The following ZFHX3 variants were observed in gnomAD, a reference collection of about 807,000 sequenced individuals.
ZFHX3 encodes zinc finger homeobox 3, also known as zinc finger homeobox protein 3.
ZFHX3 carries 42 observed loss-of-function variants against 279.1 expected under a neutral mutation model. The observed-to-expected ratio is 0.15, with a 90% CI of 0.12 to 0.19. The LOEUF (loss-of-function observed/expected upper bound fraction) is 0.19. Among genes scored for constraint, ZFHX3 ranks in the 10% least tolerant of loss-of-function variants. The pLI, the probability that ZFHX3 is intolerant of heterozygous loss-of-function variation, is 1.00. For synonymous variants in ZFHX3, 2,293 were observed against 1,957.8 expected, an observed-to-expected ratio of 1.17 and a Z score of -4.52; for missense variants, 4,981 against 4,754.0, an observed-to-expected ratio of 1.05 and a Z score of -1.40.
At chr16:73,213,339 C>G (rs1453276381) in intron 5 of ZFHX3, among the ~76,000 whole-genome samples, 1 of 152,206 alleles carries the variant, frequency 6.6e-6, no homozygotes, top group Non-Finnish European at 1.5e-5. Flanking sequence ...CCCTGCCTCA[C>G]CAAGTTTTCC....
chr16:72,949,771 C>T, intron 3 of ZFHX3, among the ~76,000 whole-genome samples: 1 of 148,426 alleles, frequency 6.7e-6, no homozygotes, highest in East Asian at 2.0e-4. Context: ...AAAAAAAAAA[C>T]ACACAAAGGA....
At chr16:73,402,489 C>T (rs1430995742) in intron 3 of ZFHX3, 8 of 152,180 alleles carry the variant, frequency 5.3e-5, no homozygotes, top group Admixed American at 2.6e-4. Context: ...CATATGGCTA[C>T]AAAAGTCTTT....
At chr16:73,398,616 T>C (rs1204028008) in intron 3 of ZFHX3, among the ~76,000 whole-genome samples, 1 of 152,192 alleles carries the variant, frequency 6.6e-6, no homozygotes, top group Non-Finnish European at 1.5e-5. Flanking sequence ...TCTAAAAATT[T>C]TTGAGAGCCT....
intron 2 of ZFHX3, among the ~76,000 whole-genome samples, chr16:73,497,745 G>A (rs146175881): frequency 6.6e-6 from 1 of 152,132 alleles, no homozygotes; most frequent in Non-Finnish European, 1.5e-5. Context: ...GGGACCAAAG[G>A]TTGAAACGCT....
intron 1 of ZFHX3, among the ~76,000 whole-genome samples, chr16:73,021,012 T>C (rs1964279517): frequency 6.6e-6 from 1 of 152,170 alleles, no homozygotes; most frequent in African/African-American, 2.4e-5. Context: ...CCTGCAAGGA[T>C]TAGTTGAAAG....
intron 2 of ZFHX3, among the ~76,000 whole-genome samples, chr16:73,575,162 ATAT>A: frequency 6.6e-6 from 1 of 152,328 alleles, no homozygotes; most frequent in African/African-American, 2.4e-5. Context: ...ACCCCATAAC[ATAT>A]TATGCATTAA....
At chr16:73,644,970 C>T (rs2052605401) in intron 2 of ZFHX3, among the ~76,000 whole-genome samples, 1 of 152,114 alleles carries the variant, frequency 6.6e-6, no homozygotes, top group Non-Finnish European at 1.5e-5. Context: ...GAAATGAATG[C>T]ATTGATGAGG....
At chr16:72,943,722 A>G (rs1960527318) in intron 3 of ZFHX3, among the ~76,000 whole-genome samples, 1 of 152,156 alleles carries the variant, frequency 6.6e-6, no homozygotes, top group African/African-American at 2.4e-5. Flanking sequence ...TGACATGGCC[A>G]CCTGCTTTCT....
Position 73,176,031 on chromosome 16 carries a change from G to A in ZFHX3, c.-1103-32200C>T, listed in dbSNP as rs553828049. On this transcript the variant is annotated intron_variant, in intron 5 of 17. Coordinates refer to the ZFHX3 transcript ENST00000641206. ...AGAGCCATCCCCAACCCACCTCGTC[G>A]GCTATGCCAATTCTCCTCTCCAAAT... 3.3e-5 allele frequency among the ~76,000 whole-genome samples: 5 copies of A among 152,166 alleles called. No individual in the cohort carries two copies. In the South Asian group the frequency reaches 6.2e-4, roughly 19 times the overall value.
At chr16:73,298,737 G>T (rs2014984891) in intron 4 of ZFHX3, among the ~76,000 whole-genome samples, 1 of 152,140 alleles carries the variant, frequency 6.6e-6, no homozygotes, top group Admixed American at 6.5e-5. Flanking sequence ...AGGCATGGGG[G>T]CAGGGAAGGG....
chr16:73,673,179 C>G (rs561692006), intron 2 of ZFHX3, among the ~76,000 whole-genome samples: 2 of 152,134 alleles, frequency 1.3e-5, no homozygotes, highest in Admixed American at 1.3e-4. Context: ...ACACAGTATT[C>G]AAAATAGTGG....
chr16:73,782,630 C>T (rs111385591), intron 1 of ZFHX3, among the ~76,000 whole-genome samples: 7 of 152,100 alleles, frequency 4.6e-5, no homozygotes, highest in East Asian at 1.9e-4. Context: ...CGAGGCCAAA[C>T]GAATAGGTCT....
intron 2 of ZFHX3, among the ~76,000 whole-genome samples, chr16:73,466,951 C>T (rs538752168): frequency 2.0e-5 from 3 of 147,352 alleles, no homozygotes; most frequent in Admixed American, 6.6e-5. Context: ...AAAGAGGAGG[C>T]GAACTGATTT....
At chr16:73,113,828 T>G (rs1966404639) in intron 7 of ZFHX3, among the ~76,000 whole-genome samples, 1 of 147,886 alleles carries the variant, frequency 6.8e-6, no homozygotes, top group African/African-American at 2.5e-5. Flanking sequence ...AGAGTCTTGC[T>G]GTGTCACCCA....
chr16:73,388,392 C>T (rs981972275), intron 3 of ZFHX3, among the ~76,000 whole-genome samples: 20 of 152,152 alleles, frequency 1.3e-4, no homozygotes, highest in African/African-American at 4.6e-4. Context: ...CAAGAAAGTA[C>T]GTTGACCCCA....
At chr16:73,816,276 T>C (rs1211339569) in intron 1 of ZFHX3, among the ~76,000 whole-genome samples, 1 of 152,106 alleles carries the variant, frequency 6.6e-6, no homozygotes, top group African/African-American at 2.4e-5. Context: ...TCATGAAACA[T>C]TAAATAATCT....
At chr16:73,002,807 G>A (rs1963549911) in intron 1 of ZFHX3, among the ~76,000 whole-genome samples, 1 of 152,144 alleles carries the variant, frequency 6.6e-6, no homozygotes, top group South Asian at 2.1e-4. Flanking sequence ...CCACAGGCCA[G>A]TGCTATTTAA....
At chr16:73,852,717 C>T (rs1961621161) in intron 1 of ZFHX3, among the ~76,000 whole-genome samples, 1 of 152,108 alleles carries the variant, frequency 6.6e-6, no homozygotes, top group Non-Finnish European at 1.5e-5. Context: ...GAAAGCCTGG[C>T]AAGGATGCTC....
intron 1 of ZFHX3, among the ~76,000 whole-genome samples, chr16:73,890,879 C>T (rs1171035470): frequency 3.3e-5 from 5 of 152,120 alleles, no homozygotes; most frequent in African/African-American, 1.2e-4. Context: ...CCACCACCAC[C>T]ATCACCATCA....
Sources: allele counts gnomAD v4.1 joint callset (sites outside exome capture counted in the v4.1 genomes callset), GRCh38; gene constraint gnomAD v4.1.1; transcripts MANE v1.5; gene names NCBI Gene and HGNC (gene_info 2026-07-23, HGNC 2026-07-21).